CYFIP2: variants seen among roughly 807,000 people sequenced by gnomAD.
CYFIP2 encodes the protein cytoplasmic FMR1 interacting protein 2.
A neutral mutation model predicts 158.7 loss-of-function variants in CYFIP2; 29 were observed. That is an observed-to-expected ratio of 0.18 (90% CI 0.14 to 0.25). CYFIP2 has a LOEUF of 0.25. Among genes scored for constraint, CYFIP2 ranks in the 10% least tolerant of loss-of-function variants. The pLI, the probability that CYFIP2 is intolerant of heterozygous loss-of-function variation, is 1.00. For missense variants in CYFIP2, 852 were observed against 1,639.5 expected (o/e 0.52, Z 8.29); for synonymous variants, 585 against 617.6 (o/e 0.95, Z 0.78).
At chr5:157,348,904 C>T (rs1330975327) in intron 23 of CYFIP2, among the ~76,000 whole-genome samples, 5 of 151,208 alleles carry the variant, frequency 3.3e-5, no homozygotes, top group Admixed American at 6.6e-5. Flanking sequence ...GAACCAAGAT[C>T]GCACCACTGC....
chr5:157,342,680 C>T, intron 23 of CYFIP2: 1 of 601,318 alleles, frequency 1.7e-6, no homozygotes, highest in Non-Finnish European at 2.8e-6. Context: ...TTGGCATACC[C>T]TGGGGGATAC....
At chr5:157,305,610 A>G (rs364479) in intron 8 of CYFIP2, among the ~76,000 whole-genome samples, 120,263 of 151,878 alleles carry the variant, frequency 0.79, 47,867 homozygotes, top group East Asian at 0.99. Flanking sequence ...TCCCAGGCTC[A>G]AGCGATCCTC....
At chr5:157,358,029 T>A (rs1232190536) in intron 23 of CYFIP2, among the ~76,000 whole-genome samples, 1 of 152,170 alleles carries the variant, frequency 6.6e-6, no homozygotes, top group Non-Finnish European at 1.5e-5. Context: ...GAAATGGGGC[T>A]AATAATGATA....
intron 9 of CYFIP2, among the ~76,000 whole-genome samples, chr5:157,308,391 A>G (rs35536103): frequency 0.083 from 12,692 of 152,284 alleles, 676 homozygotes; most frequent in Middle Eastern, 0.14. Flanking sequence ...CGTTCATCAT[A>G]TACTCACTGT....
chr5:157,375,817 G>C (rs1765414680), intron 26 of CYFIP2: 1 of 152,118 alleles, frequency 6.6e-6, no homozygotes. Context: ...AGAGTTCTTA[G>C]TGTTAAGTGA....
At chr5:157,294,712 G>C in intron 3 of CYFIP2, 71 bp from the exon 4 acceptor site, 1 of 1,293,430 alleles carries the variant, frequency 7.7e-7, no homozygotes, top group Admixed American at 1.8e-5. Flanking sequence ...AACTAGTGAG[G>C]ATCTGGGGGC....
intron 1 of CYFIP2, among the ~76,000 whole-genome samples, chr5:157,272,584 T>G (rs996804900): frequency 1.3e-5 from 2 of 152,214 alleles, no homozygotes; most frequent in Admixed American, 6.5e-5. Flanking sequence ...ATGCTTACAC[T>G]GCTGTTTCTC....
chr5:157,350,828 T>TGTA (rs1475237562), intron 23 of CYFIP2, among the ~76,000 whole-genome samples: 4 of 152,246 alleles, frequency 2.6e-5, no homozygotes, highest in Admixed American at 6.5e-5. Flanking sequence ...TAGTTTTCCT[T>TGTA]GTAGAGGTCT....
intron 28 of CYFIP2, among the ~76,000 whole-genome samples, chr5:157,388,433 T>A (rs974475527): frequency 2.6e-5 from 4 of 152,206 alleles, no homozygotes; most frequent in Non-Finnish European, 4.4e-5. Context: ...TAACATATGC[T>A]CATTGTAGCA....
In CYFIP2 at chr5:157,320,583, T is replaced by C. The variant is rs1487325148; in HGVS notation, c.1524-72T>C. 8.8e-6 allele frequency: 14 copies of C among 1,596,542 alleles called. No individual in the cohort carries two copies. In the Admixed American group the frequency reaches 2.4e-4, roughly 27 times the overall value. On this transcript the variant is annotated intron_variant, in intron 14 of 30. Coordinates refer to ENST00000620254, the MANE Select transcript of CYFIP2 (RefSeq NM_001037333.3). ...GGTGTTCCTGGGACACCACGGGCCC[T>C]AGAAACACAAGCTTGTAGTGACGTT...
At chr5:157,327,909 T>C (rs1761154034) in intron 18 of CYFIP2, 64 bp from the exon 19 acceptor site, 8 of 1,510,222 alleles carry the variant, frequency 5.3e-6, no homozygotes, top group Non-Finnish European at 7.3e-6. Context: ...GTCTTTCAGT[T>C]GGCTCAGTTT....
At chr5:157,390,132 C>T (rs1767127074) in intron 29 of CYFIP2, among the ~76,000 whole-genome samples, 1 of 152,178 alleles carries the variant, frequency 6.6e-6, no homozygotes, top group African/African-American at 2.4e-5. Context: ...TGAAATGGCC[C>T]CTCACCTGCT....
Position 157,300,744 on chromosome 5 carries a change from G to A in CYFIP2, c.417G>A (p.Glu139=). The A allele has an allele frequency of 6.2e-7, 1 of 1,610,272 alleles. No individual in the cohort carries two copies. The highest frequency in any genetic ancestry group is 2.2e-5 in the East Asian group (1 of 44,836). Reference sequence around the variant, plus strand: ...AGGCCATCGAGCGGTTCTGCAGCGAGGTGAAGCGGCTGTGCCATGCCGAGC... The same window carrying A: ...AGGCCATCGAGCGGTTCTGCAGCGAAGTGAAGCGGCTGTGCCATGCCGAGC... The part of the protein sequence containing the change: ...QRKAIERFCS[E]VKRLCHAERR... The change falls in exon 6 of 31, where the codon GAG becomes GAA. Residue 139 remains glutamate (E), a synonymous_variant. Coordinates refer to ENST00000620254, the MANE Select transcript of CYFIP2 (RefSeq NM_001037333.3).
Position 157,339,097 on chromosome 5 carries a change from G to T in CYFIP2, c.2426G>T (p.Arg809Leu). ...CTGGAGATTAACCGGCTCACGCATC[G>T]GCTGCTCTGTAAGCATATGACGCTG... ...WLLEINRLTH[R>L]LLCKHMTLDS... is the part of the protein sequence containing the mutation. The change falls in exon 22 of 31, where the codon CGG becomes CTG. Residue 809 changes from arginine to leucine, a missense_variant. Transcript: ENST00000620254. The T allele has an allele frequency of 6.2e-7, 1 of 1,613,482 alleles. No homozygotes were observed. Among genetic ancestry groups the T allele is most frequent in the Non-Finnish European group, 8.5e-7 (1 of 1,179,720 alleles).
chr5:157,328,169 G>A (rs536024092), intron 19 of CYFIP2, 120 bp downstream of exon 19: 52 of 938,810 alleles, frequency 5.5e-5, no homozygotes, highest in Middle Eastern at 2.3e-4. Context: ...GCCATTCCAC[G>A]GACCCGGACT....
At chr5:157,350,461 T>C (rs1316290513) in intron 23 of CYFIP2, among the ~76,000 whole-genome samples, 1 of 152,210 alleles carries the variant, frequency 6.6e-6, no homozygotes, top group Non-Finnish European at 1.5e-5. Flanking sequence ...ATTTCTGGGT[T>C]CTCTATTCTG....
chr5:157,283,257 A>T (rs1757130832), intron 1 of CYFIP2, among the ~76,000 whole-genome samples: 1 of 152,250 alleles, frequency 6.6e-6, no homozygotes, highest in Non-Finnish European at 1.5e-5. Context: ...GAAATAGTCA[A>T]GTACTTCGCA....
Position 157,361,420 on chromosome 5 carries a change from T to C in CYFIP2, c.2909-48T>C. ...CTCAGTCATTGTTTCCCATAGACCC[T>C]ACTGAGCAGTGTCAACTTCCCACTG... is the stretch of plus-strand genomic sequence containing the variant. On this transcript the variant is annotated intron_variant, in intron 25 of 30. Coordinates refer to ENST00000620254, the MANE Select transcript of CYFIP2 (RefSeq NM_001037333.3). The surrounding 1 kb of genome is among the most constrained non-coding windows in gnomAD (Gnocchi z 4.4). The C allele has an allele frequency of 1.2e-6, 2 of 1,611,908 alleles. No homozygotes were observed.
intron 7 of CYFIP2, 42 bp downstream of exon 7, chr5:157,302,932 G>T (rs1240136327): frequency 1.3e-6 from 2 of 1,508,072 alleles, no homozygotes; most frequent in Non-Finnish European, 1.8e-6. Flanking sequence ...GATGTCTCGG[G>T]GTTATAGGCA....
Sources: gnomAD v4.1 joint callset for allele counts (sites outside exome capture counted in the v4.1 genomes callset) on GRCh38, gnomAD v4.1.1 for gene constraint, Gnocchi (gnomAD v3.1) non-coding constraint, MANE v1.5 for transcripts, NCBI Gene and HGNC (gene_info 2026-07-23, HGNC 2026-07-21) for gene names.